The following ABI3BP variants were observed in gnomAD, a reference collection of about 807,000 sequenced individuals.
The protein encoded by ABI3BP is target of Nesh-SH3.
Under a neutral mutation model 268.6 loss-of-function variants are expected in ABI3BP, and 216 were observed. The observed-to-expected ratio is 0.80, with a 90% CI of 0.72 to 0.90. The LOEUF is 0.90. Among genes scored for constraint, ABI3BP ranks in the 40% least tolerant of loss-of-function variants. The pLI is 0.00. For missense variants in ABI3BP, 2,090 were observed against 2,182.4 expected (o/e 0.96, Z 0.84); for synonymous variants, 730 against 730.0 (o/e 1.00, Z 0.00).
At chr3:100,915,121 GT>G (rs2058150118) in intron 2 of ABI3BP, among the ~76,000 whole-genome samples, 1 of 152,052 alleles carries the variant, frequency 6.6e-6, no homozygotes, top group South Asian at 2.1e-4. Flanking sequence ...CACTGTACAG[GT>G]GGGTGCAGAC....
intron 1 of ABI3BP, among the ~76,000 whole-genome samples, chr3:100,932,730 T>G (rs1390325064): frequency 6.6e-6 from 1 of 151,994 alleles, no homozygotes; most frequent in Non-Finnish European, 1.5e-5. Flanking sequence ...GAAAAGGGAA[T>G]GTTTACACAC....
intron 2 of ABI3BP, among the ~76,000 whole-genome samples, chr3:100,907,837 C>T (rs1010240672): frequency 5.9e-5 from 9 of 151,992 alleles, no homozygotes; most frequent in African/African-American, 1.9e-4. Flanking sequence ...AAGAAAAGGC[C>T]GGGAGTGGTA....
chr3:100,775,088 A>T, intron 60 of ABI3BP, 119 bp downstream of exon 60: 1 of 1,174,758 alleles, frequency 8.5e-7, no homozygotes, highest in Non-Finnish European at 1.2e-6. Flanking sequence ...CAACCATATT[A>T]ATCATAAAAT....
At chr3:100,985,300 C>T (rs1421574108) in intron 1 of ABI3BP, among the ~76,000 whole-genome samples, 1 of 151,812 alleles carries the variant, frequency 6.6e-6, no homozygotes, top group Non-Finnish European at 1.5e-5. Flanking sequence ...TGGGCACGTG[C>T]CACCATGCCC....
intron 1 of ABI3BP, among the ~76,000 whole-genome samples, chr3:100,974,155 C>G (rs1271058817): frequency 1.3e-5 from 2 of 152,050 alleles, no homozygotes; most frequent in Non-Finnish European, 1.5e-5. Flanking sequence ...ATCTTCATAC[C>G]TTGCTATTAA....
chr3:100,795,040 G>C (rs755428391), intron 53 of ABI3BP, 37 bp from the exon 54 acceptor site: 49 of 1,314,650 alleles, frequency 3.7e-5, no homozygotes, highest in Non-Finnish European at 4.8e-5. Flanking sequence ...TAAATTTTTA[G>C]ATTCAAAGCC....
At chr3:100,809,231 T>G (rs1218664504) in intron 49 of ABI3BP, among the ~76,000 whole-genome samples, 1 of 151,942 alleles carries the variant, frequency 6.6e-6, no homozygotes, top group Non-Finnish European at 1.5e-5. Flanking sequence ...GGGTCTAAGG[T>G]CTCAGTTTCT....
chr3:100,898,992 A>G lies in ABI3BP; in HGVS notation c.329-98T>C, dbSNP rs552488037. 2.3e-6 allele frequency: 3 copies of G among 1,289,596 alleles called. No homozygotes were observed. In the South Asian group the frequency reaches 4.5e-5, roughly 20 times the overall value. The allele number at this position is 1,289,596 out of a possible 1,614,324, so 79.9% of individuals were successfully genotyped here. A position where few individuals can be genotyped will look rare whatever the true frequency, so the allele number is the denominator to read the frequency against. On this transcript the variant is annotated intron_variant, in intron 3 of 67. Transcript: ENST00000471714. ...TAAAGATGACTTGGCAAGATGATGC[A>G]AAATGTGAAAACATCAAGTTCCTTT...
At chr3:100,811,659 C>G in intron 47 of ABI3BP, 69 bp downstream of exon 47, 1 of 1,434,698 alleles carries the variant, frequency 7.0e-7, no homozygotes, top group Non-Finnish European at 9.5e-7. Flanking sequence ...TTTCATATTC[C>G]GTGGATGTAA....
intron 4 of ABI3BP, 144 bp from the exon 5 acceptor site, chr3:100,886,467 G>A: frequency 1.8e-6 from 1 of 553,100 alleles, no homozygotes; most frequent in Non-Finnish European, 2.8e-6. Context: ...AAAATTTGCA[G>A]AGAACATGAA....
At chr3:100,859,811 C>T (rs2098978041) in intron 14 of ABI3BP, among the ~76,000 whole-genome samples, 1 of 152,156 alleles carries the variant, frequency 6.6e-6, no homozygotes, top group Non-Finnish European at 1.5e-5. Context: ...GATTTGAGGC[C>T]TATGGTGCTA....
intron 1 of ABI3BP, among the ~76,000 whole-genome samples, chr3:100,973,965 C>T (rs1317390176): frequency 1.3e-5 from 2 of 152,042 alleles, no homozygotes; most frequent in Admixed American, 6.6e-5. Flanking sequence ...AGACAAGATG[C>T]GGTTTCTAAG....
chr3:100,866,581 C>T (rs2099052783), intron 10 of ABI3BP, among the ~76,000 whole-genome samples: 1 of 152,110 alleles, frequency 6.6e-6, no homozygotes, highest in Non-Finnish European at 1.5e-5. Flanking sequence ...TATGAAAGAA[C>T]AGCACCAAAC....
rs890462619 is a variant in ABI3BP, at chr3:100,815,917, G to A, written c.3284C>T (p.Thr1095Ile). 3.3e-6 allele frequency: 5 copies of A among 1,520,666 alleles called. No individual in the cohort carries two copies. In the African/African-American group the frequency reaches 4.2e-5, roughly 13 times the overall value. 94.2% of individuals were successfully genotyped at this position (1,520,666 alleles called of 1,614,324 possible). A position where few individuals can be genotyped will look rare whatever the true frequency, so the allele number is the denominator to read the frequency against. Residue 1095 changes from threonine (T) to isoleucine (I), a missense_variant, in exon 44 of 68, where the codon ACA becomes ATA. Coordinates refer to ENST00000471714, the MANE Select transcript of ABI3BP (RefSeq NM_001375547.2). ...VVHSTDAPGTTFALTELQTLI... is the reference protein window; with the variant it reads ...VVHSTDAPGTIFALTELQTLI... ...CAAGTCACAAAAATCATTACCAAAT[G>A]TTGTTCCTGGAGCATCAGTACTATG...
intron 11 of ABI3BP, 168 bp from the exon 12 acceptor site, chr3:100,864,244 T>C (rs1296201811): frequency 9.7e-6 from 6 of 617,158 alleles, no homozygotes; most frequent in African/African-American, 7.3e-5. Flanking sequence ...TGTTAAAATA[T>C]GAAGGTGTAC....
At chr3:100,771,789 C>G (rs1173337986) in intron 61 of ABI3BP, among the ~76,000 whole-genome samples, 4 of 151,950 alleles carry the variant, frequency 2.6e-5, no homozygotes, top group Non-Finnish European at 4.4e-5. Context: ...GTCTCATATA[C>G]ATGTAATTGG....
intron 1 of ABI3BP, among the ~76,000 whole-genome samples, chr3:100,968,179 T>C (rs2082093440): frequency 6.6e-6 from 1 of 152,206 alleles, no homozygotes; most frequent in African/African-American, 2.4e-5. Context: ...AATATACAGC[T>C]TTGAATCCCA....
chr3:100,909,414 G>C, intron 2 of ABI3BP, among the ~76,000 whole-genome samples: 1 of 151,454 alleles, frequency 6.6e-6, no homozygotes, highest in African/African-American at 2.4e-5. Flanking sequence ...TAGTCAAATG[G>C]GATCTGATTA....
At chr3:100,837,656 C>T (rs1221350831) in intron 26 of ABI3BP, among the ~76,000 whole-genome samples, 2 of 151,998 alleles carry the variant, frequency 1.3e-5, no homozygotes, top group African/African-American at 2.4e-5. Context: ...ACTAAGGAGG[C>T]GTAGGCAGGA....
Sources: gnomAD v4.1 joint callset for allele counts (sites outside exome capture counted in the v4.1 genomes callset) on GRCh38, gnomAD v4.1.1 for gene constraint, MANE v1.5 for transcripts, NCBI Gene and HGNC (gene_info 2026-07-23, HGNC 2026-07-21) for gene names.